Variants in HTR1D observed in about 807,000 individuals in gnomAD.
The protein encoded by HTR1D is 5-hydroxytryptamine receptor 1D, also known as 5-HT-1D.
In HTR1D, 18 loss-of-function variants were observed where a neutral mutation model predicts 21.1. The ratio of observed to expected loss-of-function variants is 0.85; its 90% CI spans 0.59 to 1.27. HTR1D has a LOEUF of 1.27. HTR1D is among the 50% of genes most tolerant of loss of function. The pLI is 0.00. For missense variants in HTR1D, 456 were observed against 481.4 expected, an observed-to-expected ratio of 0.95 and a Z score of 0.49; for synonymous variants, 196 against 204.4, an observed-to-expected ratio of 0.96 and a Z score of 0.35.
intron 1 of HTR1D, among the ~76,000 whole-genome samples, chr1:23,202,552 G>T (rs1009638913): frequency 6.6e-6 from 1 of 152,128 alleles, no homozygotes; most frequent in African/African-American, 2.4e-5. Flanking sequence ...AGGATGTATG[G>T]GTTTAATGTG....
chr1:23,196,775 A>G (rs1644690454), intron 1 of HTR1D, among the ~76,000 whole-genome samples: 1 of 152,148 alleles, frequency 6.6e-6, no homozygotes, highest in Non-Finnish European at 1.5e-5. Context: ...CACCTGCCCA[A>G]GGCCACCTGG....
Position 23,193,277 on chromosome 1 carries a change from G to A in HTR1D, c.943C>T (p.Leu315=), listed in dbSNP as rs1349229827. Residue 315 remains leucine (L), a synonymous_variant, in exon 2 of 2, where the codon CTG becomes TTG. Coordinates refer to ENST00000374619, the MANE Select transcript of HTR1D (RefSeq NM_000864.5). ...ACCAGAGACACCACGAAGAAGGGCAGCCAGCAGATGATAAAGGCCCCCAGA... is the reference window on the plus strand; with the variant it reads ...ACCAGAGACACCACGAAGAAGGGCAACCAGCAGATGATAAAGGCCCCCAGA... ...IILGAFIICW[L]PFFVVSLVLP... is the part of the protein sequence containing the mutation. The A allele has an allele frequency of 6.2e-7, 1 of 1,614,200 alleles. No homozygotes were observed.
intron 1 of HTR1D, among the ~76,000 whole-genome samples, chr1:23,202,115 G>A (rs1466950819): frequency 2.0e-5 from 3 of 151,408 alleles, no homozygotes; most frequent in African/African-American, 7.3e-5. Context: ...TTTGTTTTTT[G>A]AGACAGAGTC....
chr1:23,196,143 C>A (rs1274859521), intron 1 of HTR1D, among the ~76,000 whole-genome samples: 3 of 151,664 alleles, frequency 2.0e-5, no homozygotes, highest in Non-Finnish European at 4.4e-5. Flanking sequence ...AGCTTCTTAA[C>A]GTTTTAAAAA....
chr1:23,202,118 A>G (rs1174699702), intron 1 of HTR1D, among the ~76,000 whole-genome samples: 9 of 151,074 alleles, frequency 6.0e-5, no homozygotes, highest in Non-Finnish European at 7.4e-5. Context: ...GTTTTTTGAG[A>G]CAGAGTCTCA....
intron 1 of HTR1D, among the ~76,000 whole-genome samples, chr1:23,216,939 C>A (rs1644776415): frequency 2.0e-5 from 3 of 152,218 alleles, no homozygotes; most frequent in South Asian, 4.1e-4. Flanking sequence ...CTTCCCTTGG[C>A]GCCCGGGGCC....
Position 23,209,653 on chromosome 1 carries a change from T to C in HTR1D, c.-783+7638A>G, listed in dbSNP as rs556959948. 2.0e-5 allele frequency among the ~76,000 whole-genome samples: 3 copies of C among 152,272 alleles called. No homozygotes were observed. In the East Asian group the frequency reaches 5.8e-4, roughly 29 times the overall value. Reference sequence around the variant, plus strand: ...ATTTAAGTCTGACCGCAACCCTCTGTAGTCAATCCTATTATTATTATCAAT... The same window carrying C: ...ATTTAAGTCTGACCGCAACCCTCTGCAGTCAATCCTATTATTATTATCAAT... On this transcript the variant is annotated intron_variant, in intron 1 of 1. Transcript: ENST00000374619.
intron 1 of HTR1D, among the ~76,000 whole-genome samples, chr1:23,213,369 A>G (rs144524993): frequency 2.0e-3 from 305 of 152,276 alleles, no homozygotes; most frequent in Middle Eastern, 6.8e-3. Context: ...AGTCCCAGCT[A>G]CTTGGGAGGC....
Position 23,194,013 on chromosome 1 carries a change from G to A in HTR1D, c.207C>T (p.Leu69=). ...VLTTILLTRK[L]HTPANYLIGS... ...CAATCAGGTAGTTGGCAGGGGTGTG[G>A]AGCTTCCTGGTGAGTAAGATGGTGG... The change falls in exon 2 of 2, where the codon CTC becomes CTT. Residue 69 remains leucine, a synonymous_variant. Coordinates refer to ENST00000374619, the MANE Select transcript of HTR1D (RefSeq NM_000864.5). The A allele has an allele frequency of 6.2e-7, 1 of 1,614,170 alleles. No homozygotes were observed. Among genetic ancestry groups the A allele is most frequent in the Non-Finnish European group, 8.5e-7 (1 of 1,180,030 alleles).
At chr1:23,200,938 C>T (rs1228215635) in intron 1 of HTR1D, among the ~76,000 whole-genome samples, 1 of 152,192 alleles carries the variant, frequency 6.6e-6, no homozygotes, top group African/African-American at 2.4e-5. Context: ...CAGGCCACAG[C>T]ATCTCCCCTG....
chr1:23,207,753 G>A (rs939795313), intron 1 of HTR1D, among the ~76,000 whole-genome samples: 22 of 145,142 alleles, frequency 1.5e-4, no homozygotes, highest in Middle Eastern at 3.3e-3. Context: ...TAAAAGGCAA[G>A]AGCCTCTTTT....
chr1:23,207,246 A>G (rs996722492), intron 1 of HTR1D, among the ~76,000 whole-genome samples: 2 of 152,084 alleles, frequency 1.3e-5, no homozygotes, highest in Admixed American at 1.3e-4. Flanking sequence ...AAAAAAAAAT[A>G]CAAAAATTAT....
At chr1:23,215,788 A>C (rs1644771481) in intron 1 of HTR1D, among the ~76,000 whole-genome samples, 2 of 152,356 alleles carry the variant, frequency 1.3e-5, no homozygotes, top group East Asian at 3.9e-4. Flanking sequence ...GGAAGCCAGC[A>C]CTAGGGCTCA....
intron 1 of HTR1D, among the ~76,000 whole-genome samples, chr1:23,205,276 C>T (rs932593344): frequency 2.6e-5 from 4 of 152,098 alleles, no homozygotes; most frequent in Admixed American, 6.6e-5. Flanking sequence ...TAAAAGACTA[C>T]GAATAGGGTG....
chr1:23,200,965 G>A (rs1481032547), intron 1 of HTR1D, among the ~76,000 whole-genome samples: 5 of 152,104 alleles, frequency 3.3e-5, no homozygotes, highest in Non-Finnish European at 5.9e-5. Flanking sequence ...AGATCACATG[G>A]ACTCCAGCCA....
In HTR1D at chr1:23,193,231, G is replaced by A. The variant is rs1644667099; in HGVS notation, c.989C>T (p.Ser330Phe). 6.2e-7 allele frequency: 1 copy of A among 1,614,124 alleles called. No individual in the cohort carries two copies. The highest frequency in any genetic ancestry group is 8.5e-7 in the Non-Finnish European group (1 of 1,180,028). The change falls in exon 2 of 2, where the codon TCC becomes TTC. Residue 330 changes from serine (S) to phenylalanine (F), a missense_variant. Transcript: ENST00000374619. ...VSLVLPICRD[S>F]CWIHPALFDF... ...AAAGAGCGCCGGGTGGATCCAGCAG[G>A]AGTCCCGGCAGATGGGGAGGACCAG... is the stretch of plus-strand genomic sequence containing the variant.
rs1644779344 is a variant in HTR1D at position 23,217,275 on chromosome 1, GGCC to G, written c.-783+13_-783+15del. Among the ~76,000 whole-genome samples, 1 of 151,664 alleles carries G rather than the reference GGCC, an allele frequency of 6.6e-6. No individual in the cohort carries two copies. The highest frequency in any genetic ancestry group is 2.4e-5 in the African/African-American group (1 of 41,322). On this transcript the variant is annotated intron_variant, in intron 1 of 1. Transcript: ENST00000374619. This position sits in a 1 kb window ranked among gnomAD's most constrained non-coding sequence, Gnocchi z 4.6. ...GCCGCTGGGGCCAGGCTGCAGACGC[GGCC>G]CCGAGAGCTTACCCGCTGCCCGGCG...
At position 23,193,876 on chromosome 1, in the gene HTR1D, A is replaced by G. The variant is rs1285345643; in HGVS notation, c.344T>C (p.Leu115Pro). Residue 115 changes from leucine (L) to proline (P), a missense_variant, in exon 2 of 2, where the codon CTG becomes CCG. Leu to Pro is a moderately conservative substitution (Grantham distance 98). Coordinates refer to ENST00000374619, the MANE Select transcript of HTR1D (RefSeq NM_000864.5). ...TGTGCAGCACGTGATGTCAGAGGAC[A>G]GCCAGATGTCACACAAGATTTGGCC... ...NFGQILCDIWLSSDITCCTAS... is the reference protein window; with the variant it reads ...NFGQILCDIWPSSDITCCTAS... 1.2e-6 allele frequency: 2 copies of G among 1,614,250 alleles called. No individual in the cohort carries two copies. The highest frequency in any genetic ancestry group is 1.7e-6 in the Non-Finnish European group (2 of 1,180,054).
chr1:23,199,682 T>C (rs1304196481), intron 1 of HTR1D, among the ~76,000 whole-genome samples: 2 of 151,938 alleles, frequency 1.3e-5, no homozygotes, highest in Non-Finnish European at 2.9e-5. Flanking sequence ...TAGGGAATGA[T>C]GTATTTGTGA....
Sources: allele counts gnomAD v4.1 joint callset (sites outside exome capture counted in the v4.1 genomes callset), GRCh38; gene constraint gnomAD v4.1.1; non-coding constraint Gnocchi (gnomAD v3.1); transcripts MANE v1.5; gene names NCBI Gene and HGNC (gene_info 2026-07-23, HGNC 2026-07-21).